The following AFF2 variants were observed in gnomAD, a reference collection of about 807,000 sequenced individuals.
The protein encoded by AFF2 is AF4/FMR2 family member 2.
In AFF2, 14 loss-of-function variants were observed where a neutral mutation model predicts 76.9. The ratio of observed to expected loss-of-function variants is 0.18; its 90% confidence interval spans 0.12 to 0.28. The LOEUF is 0.28. Ranked by LOEUF, AFF2 falls within the 10% of genes least tolerant of loss-of-function variation. The pLI is 1.00. For missense variants in AFF2, 868 were observed against 1,001.1 expected, an observed-to-expected ratio of 0.87 and a Z score of 1.79; for synonymous variants, 398 against 366.7, an observed-to-expected ratio of 1.09 and a Z score of -0.98.
At chrX:148,720,592 C>A (rs959850535) in intron 3 of AFF2, among the ~76,000 whole-genome samples, 4 of 111,190 alleles carry the variant, frequency 3.6e-5, no homozygotes, top group African/African-American at 1.3e-4. Flanking sequence ...CTTTTTATCT[C>A]ATGTACAAAA....
chrX:148,821,484 A>G (rs1473054875), intron 4 of AFF2, among the ~76,000 whole-genome samples: 1 of 110,303 alleles, frequency 9.1e-6, no homozygotes, highest in African/African-American at 3.3e-5. Context: ...CATATTGCCA[A>G]TTCTCCCAAC....
At chrX:148,675,673 C>A (rs184671594) in intron 3 of AFF2, among the ~76,000 whole-genome samples, 25 of 109,370 alleles carry the variant, frequency 2.3e-4, no homozygotes, top group African/African-American at 8.3e-4. Context: ...TCCAGAAATG[C>A]CTTCCTTGTG....
intron 3 of AFF2, among the ~76,000 whole-genome samples, chrX:148,713,079 G>A (rs1466685473): frequency 1.8e-5 from 2 of 110,991 alleles, no homozygotes; most frequent in Non-Finnish European, 3.8e-5. Context: ...TGTGTGGGAA[G>A]AGCCTTCCAA....
chrX:148,708,682 C>G (rs2054918689), intron 3 of AFF2, among the ~76,000 whole-genome samples: 2 of 111,945 alleles, frequency 1.8e-5, no homozygotes, highest in South Asian at 3.7e-4. Context: ...CCACCGCACT[C>G]CAGCCTGGGT....
intron 4 of AFF2, among the ~76,000 whole-genome samples, chrX:148,817,707 T>A (rs2070283100): frequency 8.9e-6 from 1 of 112,095 alleles, no homozygotes; most frequent in Admixed American, 9.4e-5. Flanking sequence ...ATGATTATTG[T>A]TGCAAAGCTC....
chrX:148,762,108 T>C (rs1557267343), intron 3 of AFF2, among the ~76,000 whole-genome samples: 1 of 110,243 alleles, frequency 9.1e-6, no homozygotes, highest in Non-Finnish European at 1.9e-5. Context: ...CATGAATAAA[T>C]TTTTTAGTGG....
chrX:148,884,871 T>C (rs2071139083), intron 7 of AFF2, among the ~76,000 whole-genome samples: 1 of 111,692 alleles, frequency 9.0e-6, no homozygotes, highest in Admixed American at 9.5e-5. Flanking sequence ...AAAGGATAAA[T>C]AGGATTTCCA....
At chrX:148,538,746 G>C (rs2052817309) in intron 1 of AFF2, among the ~76,000 whole-genome samples, 1 of 111,988 alleles carries the variant, frequency 8.9e-6, no homozygotes, top group Admixed American at 9.5e-5. Flanking sequence ...TTATTAAAGT[G>C]AAGACAATCC....
intron 9 of AFF2, among the ~76,000 whole-genome samples, chrX:148,922,114 A>T (rs1229221363): frequency 1.8e-5 from 2 of 112,093 alleles, no homozygotes; most frequent in Non-Finnish European, 3.8e-5. Flanking sequence ...GCATTTTCTC[A>T]TAAAATCTTG....
chrX:148,662,070 T>C lies in AFF2; in HGVS notation c.343T>C (p.Phe115Leu). The change falls in exon 3 of 21, where the codon TTT (phenylalanine) becomes CTT (leucine). Residue 115 changes from phenylalanine (F) to leucine (L), a missense_variant. Phe to Leu is a conservative substitution (Grantham distance 22). Around this residue, in one of 6 missense-constraint regions of AFF2, gnomAD observed 196 missense variants for 194.8 expected, o/e 1.01. Coordinates refer to ENST00000370460, the MANE Select transcript of AFF2 (RefSeq NM_002025.4). ...CAACAACAAAAATGAACCAAGCTTT[T>C]TTCCAGAACAAAAGAACAGAATAAT... ...NPNNKNEPSF[F>L]PEQKNRIIPP... 1 of 1,210,821 alleles carries C rather than the reference T, an allele frequency of 8.3e-7. No homozygotes were observed. The highest frequency in any genetic ancestry group is 1.1e-6 in the Non-Finnish European group (1 of 894,609).
In AFF2 at chrX:148,730,827, C is replaced by T. The variant is rs557347849; in HGVS notation, c.1041+68059C>T. ...ATTGAGCTCCCCATTGCCAGTGCAG[C>T]TTTCTGATGGTGGTGTGGTCTCAGG... is the stretch of plus-strand genomic sequence containing the variant. On this transcript the variant is annotated intron_variant, in intron 3 of 20. Coordinates refer to ENST00000370460, the MANE Select transcript of AFF2 (RefSeq NM_002025.4). Among the ~76,000 whole-genome samples, 27 of 112,371 alleles carry T rather than the reference C, an allele frequency of 2.4e-4. No homozygotes were observed. The South Asian group carries it at 9.2e-3, about 38-fold the overall frequency.
chrX:148,897,253 A>G (rs868906348), intron 8 of AFF2, among the ~76,000 whole-genome samples: 1 of 39,776 alleles, frequency 2.5e-5, no homozygotes, highest in African/African-American at 1.1e-4. Flanking sequence ...ATATATATAT[A>G]TATATATATA....
chrX:148,546,954 A>G (rs1557238238), intron 1 of AFF2: 1 of 112,373 alleles, frequency 8.9e-6, no homozygotes, highest in African/African-American at 3.2e-5. Context: ...AGCAGCTACT[A>G]CATGCAAGGA....
At chrX:148,600,491 G>A (rs1270243656) in intron 1 of AFF2, among the ~76,000 whole-genome samples, 3 of 111,702 alleles carry the variant, frequency 2.7e-5, no homozygotes, top group East Asian at 2.8e-4. Context: ...GTCGACGGGC[G>A]TTATTCAAAT....
chrX:148,580,461 A>G (rs782398413), intron 1 of AFF2, among the ~76,000 whole-genome samples: 1 of 111,551 alleles, frequency 9.0e-6, no homozygotes, highest in South Asian at 3.8e-4. Context: ...CACGGTAGCT[A>G]AGCTGTTTTG....
chrX:148,823,689 T>G (rs1276020597), intron 4 of AFF2, among the ~76,000 whole-genome samples: 1 of 112,245 alleles, frequency 8.9e-6, no homozygotes, highest in Non-Finnish European at 1.9e-5. Context: ...GTATATCTGA[T>G]TAATTTATTT....
chrX:148,727,017 C>T (rs1006774727), intron 3 of AFF2, among the ~76,000 whole-genome samples: 2 of 111,678 alleles, frequency 1.8e-5, no homozygotes, highest in African/African-American at 6.5e-5. Flanking sequence ...TTCTGAAAGG[C>T]GGAAGCAATG....
intron 2 of AFF2, among the ~76,000 whole-genome samples, chrX:148,655,405 A>T (rs946721073): frequency 9.2e-6 from 1 of 108,407 alleles, no homozygotes; most frequent in African/African-American, 3.4e-5. Context: ...CCTCCCAAGT[A>T]TCTGGAATTA....
chrX:148,966,854 C>T lies in AFF2; in HGVS notation c.2978C>T (p.Thr993Ile). 2.5e-6 allele frequency: 3 copies of T among 1,211,108 alleles called. No homozygotes were observed. In the South Asian group the frequency reaches 5.3e-5, roughly 21 times the overall value. ...ACTGTCACCAATACTGCTATTGCCA[C>T]TGCTACTGTCACTGCTACTGCCATT... Reference protein sequence around the residue: ...TITVTNTAIATATVTATAIVT... With the variant: ...TITVTNTAIAIATVTATAIVT... The change falls in exon 14 of 21, where the codon ACT (threonine) becomes ATT (isoleucine). Residue 993 changes from threonine to isoleucine, a missense_variant. Physicochemically the swap from Thr to Ile is moderately conservative, Grantham distance 89. Coordinates refer to ENST00000370460, the MANE Select transcript of AFF2 (RefSeq NM_002025.4).
Sources: gnomAD v4.1 joint callset for allele counts (sites outside exome capture counted in the v4.1 genomes callset) on GRCh38, gnomAD v4.1.1 for gene constraint, gnomAD v4.1.1 regional missense constraint, MANE v1.5 for transcripts, NCBI Gene and HGNC (gene_info 2026-07-23, HGNC 2026-07-21) for gene names.